GRID2: variants seen among roughly 807,000 people sequenced by gnomAD.
GRID2 encodes glutamate receptor ionotropic, delta-2.
Under a neutral mutation model 114.8 loss-of-function variants are expected in GRID2, and 33 were observed. The observed-to-expected ratio is 0.29, with a 90% CI of 0.22 to 0.38. GRID2 has a LOEUF of 0.38. Ranked by LOEUF, GRID2 falls within the 10% of genes least tolerant of loss-of-function variation. The pLI is 1.00. For synonymous variants in GRID2, 505 were observed against 449.9 expected (o/e 1.12, Z -1.55); for missense variants, 1,184 against 1,257.7 (o/e 0.94, Z 0.89).
intron 8 of GRID2, among the ~76,000 whole-genome samples, chr4:93,307,025 G>A (rs1226969648): frequency 6.6e-6 from 1 of 151,870 alleles, no homozygotes; most frequent in Non-Finnish European, 1.5e-5. Flanking sequence ...ATGAAAGCCC[G>A]TCTCTACTAA....
chr4:92,757,935 G>A (rs1434365264), intron 2 of GRID2, among the ~76,000 whole-genome samples: 6 of 151,936 alleles, frequency 3.9e-5, no homozygotes, highest in Non-Finnish European at 8.8e-5. Flanking sequence ...GAGTAGTGGG[G>A]CAAATTCCAA....
intron 6 of GRID2, among the ~76,000 whole-genome samples, chr4:93,218,775 ACT>A (rs1224373659): frequency 6.6e-6 from 1 of 152,160 alleles, no homozygotes; most frequent in East Asian, 1.9e-4. Flanking sequence ...GGTTTAATTT[ACT>A]CACAGTTCCT....
At chr4:93,181,245 A>C (rs1294026093) in intron 4 of GRID2, among the ~76,000 whole-genome samples, 1 of 152,150 alleles carries the variant, frequency 6.6e-6, no homozygotes, top group African/African-American at 2.4e-5. Context: ...GTCAATAAAG[A>C]GTAATATCTT....
At chr4:93,223,404 A>G (rs745828178) in intron 6 of GRID2, among the ~76,000 whole-genome samples, 19 of 152,224 alleles carry the variant, frequency 1.2e-4, no homozygotes, top group Non-Finnish European at 7.3e-5. Context: ...GGTATGTAAA[A>G]GAAAACTCAC....
chr4:93,369,332 C>A (rs1762650067), intron 8 of GRID2, among the ~76,000 whole-genome samples: 2 of 152,164 alleles, frequency 1.3e-5, no homozygotes, highest in Admixed American at 1.3e-4. Context: ...TTCATGTAAT[C>A]TAGAACACTC....
rs769136135 is a variant in GRID2 at position 93,422,813 on chromosome 4, C to T, written c.1390C>T (p.Pro464Ser). ...GGTCTCTGAAAATGTCTTGGGTAAG[C>T]CGAAGAAATACCAGGGCTTCTCCAT... is the stretch of plus-strand genomic sequence containing the variant. ...VMVSENVLGK[P>S]KKYQGFSIDV... The change falls in exon 10 of 16, where the codon CCG becomes TCG. Residue 464 changes from proline to serine, a missense_variant. Physicochemically the swap from Pro to Ser is moderately conservative, Grantham distance 74 (BLOSUM62 -1). Transcript: ENST00000282020. 6.2e-7 allele frequency: 1 copy of T among 1,613,540 alleles called. No homozygotes were observed. Among genetic ancestry groups the T allele is most frequent in the South Asian group, 1.1e-5 (1 of 91,062 alleles).
chr4:92,967,592 T>C (rs1753237024), intron 2 of GRID2, among the ~76,000 whole-genome samples: 1 of 151,924 alleles, frequency 6.6e-6, no homozygotes, highest in African/African-American at 2.4e-5. Context: ...TACTACCTGA[T>C]TTTATGACTT....
At chr4:92,440,494 G>A (rs938957227) in intron 1 of GRID2, among the ~76,000 whole-genome samples, 14 of 152,022 alleles carry the variant, frequency 9.2e-5, no homozygotes, top group Non-Finnish European at 1.9e-4. Context: ...GCCAGTCCTG[G>A]GTGGGGCAAA....
chr4:93,186,965 G>T (rs141710935), intron 4 of GRID2, among the ~76,000 whole-genome samples: 1 of 152,228 alleles, frequency 6.6e-6, no homozygotes, highest in Non-Finnish European at 1.5e-5. Context: ...TCTGGTGAGG[G>T]CTCCCTCTCT....
chr4:93,252,689 C>T (rs1382631389), intron 8 of GRID2, among the ~76,000 whole-genome samples: 2 of 152,220 alleles, frequency 1.3e-5, no homozygotes, highest in East Asian at 3.9e-4. Context: ...TTCATTCTTT[C>T]TATCCATGAG....
intron 8 of GRID2, among the ~76,000 whole-genome samples, chr4:93,246,167 C>A (rs1158170319): frequency 2.6e-5 from 4 of 152,094 alleles, no homozygotes; most frequent in Admixed American, 1.3e-4. Flanking sequence ...GTAAACATAG[C>A]CTGCATAAAC....
rs115774882 is a variant in GRID2 at position 93,597,450 on chromosome 4, G to T, written c.2194-28819G>T. Among the ~76,000 whole-genome samples the T allele has an allele frequency of 4.0e-3, 605 of 152,230 alleles. 1 individual carries two copies. The highest frequency in any genetic ancestry group is 0.014 in the African/African-American group (587 of 41,516). On this transcript the variant is annotated intron_variant, in intron 13 of 15. Transcript: ENST00000282020. ...GCAAGAGACTTACCAGCTTCTCCTAGGATGCGTTAGGAGTCAGTATACTTT... is the reference window on the plus strand; with the variant it reads ...GCAAGAGACTTACCAGCTTCTCCTATGATGCGTTAGGAGTCAGTATACTTT...
intron 2 of GRID2, among the ~76,000 whole-genome samples, chr4:93,084,063 A>G (rs1234600651): frequency 6.6e-6 from 1 of 152,106 alleles, no homozygotes; most frequent in Non-Finnish European, 1.5e-5. Context: ...AATCTAAAAT[A>G]AGGCTGAACC....
chr4:93,370,790 T>A (rs1560549705), intron 8 of GRID2, among the ~76,000 whole-genome samples: 1 of 152,310 alleles, frequency 6.6e-6, no homozygotes, highest in East Asian at 1.9e-4. Context: ...CTGTGTGATT[T>A]GTTTTTTAGA....
At chr4:92,749,711 C>G (rs944966767) in intron 2 of GRID2, among the ~76,000 whole-genome samples, 1 of 151,846 alleles carries the variant, frequency 6.6e-6, no homozygotes, top group Non-Finnish European at 1.5e-5. Flanking sequence ...TTAAGGAAAA[C>G]CAGAGGAGAG....
chr4:92,602,866 C>CA (rs368891941), intron 2 of GRID2, among the ~76,000 whole-genome samples: 278 of 152,218 alleles, frequency 1.8e-3, no homozygotes, highest in African/African-American at 6.4e-3. Flanking sequence ...TCTCAGGATA[C>CA]AAAATCAATG....
At chr4:93,331,135 C>A (rs1003483270) in intron 8 of GRID2, among the ~76,000 whole-genome samples, 1 of 147,892 alleles carries the variant, frequency 6.8e-6, no homozygotes, top group South Asian at 2.3e-4. Flanking sequence ...AACCCCCCCC[C>A]CATTTCACTC....
chr4:92,485,937 A>G (rs114966651), intron 1 of GRID2, among the ~76,000 whole-genome samples: 1,591 of 152,122 alleles, frequency 0.01, 27 homozygotes, highest in African/African-American at 0.037. Context: ...TAATGAGTAT[A>G]GTGAAAACTA....
At chr4:92,471,870 A>G (rs1489573793) in intron 1 of GRID2, among the ~76,000 whole-genome samples, 1 of 148,646 alleles carries the variant, frequency 6.7e-6, no homozygotes, top group Non-Finnish European at 1.5e-5. Flanking sequence ...TCTACATTGC[A>G]TTTCTGGCCT....
Sources: allele counts gnomAD v4.1 joint callset (sites outside exome capture counted in the v4.1 genomes callset), GRCh38; gene constraint gnomAD v4.1.1; transcripts MANE v1.5; gene names NCBI Gene and HGNC (gene_info 2026-07-23, HGNC 2026-07-21).